Variants in MSRA observed in about 807,000 individuals in gnomAD.
The protein encoded by MSRA is mitochondrial peptide methionine sulfoxide reductase.
Under a neutral mutation model 31.3 loss-of-function variants are expected in MSRA, and 54 were observed. The ratio of observed to expected loss-of-function variants is 1.73; its 90% CI spans 1.39 to 2.17. The LOEUF is 2.17. Ranked by LOEUF, MSRA falls within the 30% of genes most tolerant of loss-of-function variation. MSRA has a pLI of 0.00. For missense variants in MSRA, 507 were observed against 300.9 expected, an observed-to-expected ratio of 1.69 and a Z score of -5.07; for synonymous variants, 169 against 116.5, an observed-to-expected ratio of 1.45 and a Z score of -2.90.
chr8:10,309,766 G>C (rs138723582), intron 4 of MSRA, among the ~76,000 whole-genome samples: 1 of 152,112 alleles, frequency 6.6e-6, no homozygotes, highest in Non-Finnish European at 1.5e-5. Context: ...TCTCTACTTG[G>C]TGTCCTTGGG....
At chr8:10,110,901 G>C (rs1279758714) in intron 1 of MSRA, among the ~76,000 whole-genome samples, 6 of 152,126 alleles carry the variant, frequency 3.9e-5, no homozygotes, top group Non-Finnish European at 5.9e-5. Flanking sequence ...GACAGGACAT[G>C]GTTCAGTTAC....
intron 5 of MSRA, among the ~76,000 whole-genome samples, chr8:10,347,901 T>C (rs1288699296): frequency 6.6e-6 from 1 of 152,228 alleles, no homozygotes; most frequent in Non-Finnish European, 1.5e-5. Flanking sequence ...GTGGCAGTTA[T>C]AGATACTACG....
At chr8:10,159,424 C>T (rs1168705277) in intron 1 of MSRA, among the ~76,000 whole-genome samples, 2 of 152,134 alleles carry the variant, frequency 1.3e-5, no homozygotes, top group African/African-American at 4.8e-5. Context: ...ATCTCCAGAA[C>T]TGGGAATGGC....
intron 3 of MSRA, among the ~76,000 whole-genome samples, chr8:10,290,750 C>T (rs1349452933): frequency 6.6e-6 from 1 of 152,190 alleles, no homozygotes; most frequent in Non-Finnish European, 1.5e-5. Flanking sequence ...TGGTATAATT[C>T]AGTAGCATCA....
At chr8:10,404,850 C>G (rs1478441146) in intron 5 of MSRA, among the ~76,000 whole-genome samples, 1 of 152,264 alleles carries the variant, frequency 6.6e-6, no homozygotes, top group East Asian at 1.9e-4. Flanking sequence ...TCCCACTTCC[C>G]AAGCACGGCA....
chr8:10,347,929 A>T lies in MSRA; in HGVS notation c.543+27940A>T, dbSNP rs187431621. Among the ~76,000 whole-genome samples the T allele has an allele frequency of 3.5e-3, 534 of 152,324 alleles. 3 individuals are homozygous for T. The highest frequency in any genetic ancestry group is 3.7e-3 in the Non-Finnish European group (250 of 68,034). On this transcript the variant is annotated intron_variant, in intron 5 of 5. Transcript: ENST00000317173. ...ATACTACGCTGTGCTGTAGTGATCGATGCAGATGTCTTCTTTCCCTTACTG... is the reference window on the plus strand; with the variant it reads ...ATACTACGCTGTGCTGTAGTGATCGTTGCAGATGTCTTCTTTCCCTTACTG...
intron 3 of MSRA, among the ~76,000 whole-genome samples, chr8:10,260,815 C>A (rs977468273): frequency 2.6e-5 from 4 of 152,106 alleles, no homozygotes; most frequent in Non-Finnish European, 5.9e-5. Context: ...TTTGTAAGAC[C>A]TGACTTTAAT....
At chr8:10,320,053 T>C in intron 5 of MSRA, 64 bp downstream of exon 5, 2 of 1,022,398 alleles carry the variant, frequency 2.0e-6, no homozygotes, top group Non-Finnish European at 2.9e-6. Flanking sequence ...GGTTCTGATT[T>C]TAGAGGGCAG....
chr8:10,149,971 T>C (rs1328941992), intron 1 of MSRA, among the ~76,000 whole-genome samples: 3 of 36,238 alleles, frequency 8.3e-5, no homozygotes, highest in African/African-American at 2.3e-4. Flanking sequence ...TGCTGTTTTT[T>C]CCTCCTGAAT....
In MSRA at chr8:10,301,627, AC is replaced by A. The variant is rs766928416; in HGVS notation, c.428del (p.Pro143ArgfsTer31). 2.5e-6 allele frequency: 4 copies of A among 1,613,756 alleles called. No homozygotes were observed. Among genetic ancestry groups the A allele is most frequent in the Admixed American group, 3.3e-5 (2 of 60,008 alleles). ...ELLKVFWENH[D>X]PTQGMRQGND... The stretch of plus-strand genomic sequence containing the variant: ...CTCAAGGTCTTCTGGGAGAATCACG[AC>A]CCGACCCAAGGTAGAGTGATGAGTG... On this transcript the variant is annotated frameshift_variant, in exon 4 of 6. Transcript: ENST00000317173. LOFTEE classifies it high-confidence loss of function.
intron 1 of MSRA, among the ~76,000 whole-genome samples, chr8:10,081,914 A>G (rs1049779774): frequency 6.6e-6 from 1 of 152,094 alleles, no homozygotes; most frequent in Non-Finnish European, 1.5e-5. Context: ...TTTCTATCAA[A>G]ACCTCATCCA....
At chr8:10,420,953 C>G (rs567763892) in intron 5 of MSRA, among the ~76,000 whole-genome samples, 1 of 151,438 alleles carries the variant, frequency 6.6e-6, no homozygotes, top group African/African-American at 2.4e-5. Context: ...GCCCTGATCA[C>G]GCCACTGCAC....
At chr8:10,074,669 T>C (rs1168235159) in intron 1 of MSRA, among the ~76,000 whole-genome samples, 1 of 152,146 alleles carries the variant, frequency 6.6e-6, no homozygotes, top group Admixed American at 6.5e-5. Flanking sequence ...TCTTTTCTTT[T>C]CTTTTTTTTG....
chr8:10,418,103 A>G (rs1336653718), intron 5 of MSRA, among the ~76,000 whole-genome samples: 3 of 152,190 alleles, frequency 2.0e-5, no homozygotes, highest in Non-Finnish European at 4.4e-5. Context: ...CTAATTTCAT[A>G]CCACCACAAT....
At chr8:10,352,577 GTC>G (rs1804242368) in intron 5 of MSRA, among the ~76,000 whole-genome samples, 1 of 152,204 alleles carries the variant, frequency 6.6e-6, no homozygotes, top group African/African-American at 2.4e-5. Context: ...TTGCTGGTTA[GTC>G]TCTGTTCTTT....
intron 5 of MSRA, among the ~76,000 whole-genome samples, chr8:10,334,908 C>G (rs1487311188): frequency 6.6e-6 from 1 of 152,226 alleles, no homozygotes; most frequent in African/African-American, 2.4e-5. Context: ...CACGTGATGG[C>G]TGTTCGGGCC....
intron 5 of MSRA, among the ~76,000 whole-genome samples, chr8:10,353,294 G>A (rs1249249636): frequency 2.0e-5 from 3 of 152,194 alleles, no homozygotes; most frequent in African/African-American, 7.2e-5. Flanking sequence ...AAGCCACTCA[G>A]CAGCAGCTAG....
rs529282218 is a variant in MSRA at position 10,181,725 on chromosome 8, T to C, written c.143-26108T>C. 7.2e-5 allele frequency among the ~76,000 whole-genome samples: 11 copies of C among 152,168 alleles called. No individual in the cohort carries two copies. In the East Asian group the frequency reaches 1.9e-3, roughly 27 times the overall value. Reference sequence around the variant, plus strand: ...TGAACTTGCTGGGTCATGATGGAGGTGGTGAGAAGTGGTCGTGGTCCAGAC... The same window carrying C: ...TGAACTTGCTGGGTCATGATGGAGGCGGTGAGAAGTGGTCGTGGTCCAGAC... On this transcript the variant is annotated intron_variant, in intron 1 of 5. Coordinates refer to ENST00000317173, the MANE Select transcript of MSRA (RefSeq NM_012331.5).
At chr8:10,084,003 G>A (rs1390933612) in intron 1 of MSRA, among the ~76,000 whole-genome samples, 1 of 152,170 alleles carries the variant, frequency 6.6e-6, no homozygotes, top group Non-Finnish European at 1.5e-5. Context: ...TAAAATTGAG[G>A]TCTTCGTATC....
Sources: allele counts gnomAD v4.1 joint callset (sites outside exome capture counted in the v4.1 genomes callset), GRCh38; gene constraint gnomAD v4.1.1; transcripts MANE v1.5; gene names NCBI Gene and HGNC (gene_info 2026-07-23, HGNC 2026-07-21).